ANO10: variants seen among roughly 807,000 people sequenced by gnomAD.
The protein encoded by ANO10 is anoctamin 10.
Under a neutral mutation model 74.7 loss-of-function variants are expected in ANO10, and 77 were observed. That is an observed-to-expected ratio of 1.03 (90% CI 0.86 to 1.25). ANO10 has a LOEUF of 1.25. Ranked by LOEUF, ANO10 falls within the 50% of genes most tolerant of loss-of-function variation. ANO10 has a pLI of 0.00. For synonymous variants in ANO10, 279 were observed against 284.9 expected (o/e 0.98, Z 0.21); for missense variants, 721 against 778.1 (o/e 0.93, Z 0.87).
chr3:43,575,294 T>C (rs1162967818), intron 6 of ANO10, among the ~76,000 whole-genome samples: 5 of 152,210 alleles, frequency 3.3e-5, no homozygotes, highest in Admixed American at 3.3e-4. Flanking sequence ...GAAACTCAAA[T>C]TTCTATCTTC....
chr3:43,666,602 A>G (rs2083995583), intron 1 of ANO10, among the ~76,000 whole-genome samples: 1 of 152,180 alleles, frequency 6.6e-6, no homozygotes, highest in African/African-American at 2.4e-5. Flanking sequence ...ATAGATATCT[A>G]TCAATATTCT....
intron 12 of ANO10, among the ~76,000 whole-genome samples, chr3:43,383,415 C>T (rs1184008386): frequency 2.1e-5 from 3 of 146,132 alleles, no homozygotes; most frequent in African/African-American, 7.7e-5. Flanking sequence ...GACTGTGCCA[C>T]TGCACTCCAG....
At chr3:43,483,192 CTTTG>C (rs2076338309) in intron 11 of ANO10, among the ~76,000 whole-genome samples, 1 of 152,156 alleles carries the variant, frequency 6.6e-6, no homozygotes, top group Admixed American at 6.5e-5. Flanking sequence ...AAGAAAATGT[CTTTG>C]TTTATTTCCT....
chr3:43,611,410 C>G (rs551185616), intron 1 of ANO10, among the ~76,000 whole-genome samples: 1 of 152,272 alleles, frequency 6.6e-6, no homozygotes, highest in South Asian at 2.1e-4. Flanking sequence ...GTCTAGCTTA[C>G]TCTGATTAAT....
At chr3:43,565,882 G>A (rs899025615) in intron 7 of ANO10, among the ~76,000 whole-genome samples, 155 bp from the exon 8 acceptor site, 4 of 152,166 alleles carry the variant, frequency 2.6e-5, no homozygotes, top group Admixed American at 6.6e-5. Flanking sequence ...CAGCCTGAGC[G>A]ACGCAGAAGA....
At chr3:43,426,376 G>A (rs1053851134) in intron 12 of ANO10, among the ~76,000 whole-genome samples, 1 of 152,130 alleles carries the variant, frequency 6.6e-6, no homozygotes, top group Non-Finnish European at 1.5e-5. Flanking sequence ...AAAAAACAAA[G>A]ACATTATTTG....
At chr3:43,477,972 G>A (rs1309418312) in intron 11 of ANO10, among the ~76,000 whole-genome samples, 2 of 152,176 alleles carry the variant, frequency 1.3e-5, no homozygotes, top group Non-Finnish European at 2.9e-5. Context: ...TAAGGAAGTA[G>A]TCTCTGTTTT....
intron 11 of ANO10, among the ~76,000 whole-genome samples, chr3:43,545,777 ATATG>A (rs1344196019): frequency 1.3e-5 from 2 of 152,210 alleles, no homozygotes; most frequent in African/African-American, 4.8e-5. Context: ...ATATTTTGAA[ATATG>A]TATATCCTAT....
intron 11 of ANO10, among the ~76,000 whole-genome samples, chr3:43,459,519 G>A (rs2075288010): frequency 6.6e-6 from 1 of 152,170 alleles, no homozygotes; most frequent in Non-Finnish European, 1.5e-5. Context: ...AATGACTTGT[G>A]GAGAGGAAGG....
chr3:43,565,744 A>G lies in ANO10; in HGVS notation c.1219-17T>C. On this transcript the variant is annotated splice_polypyrimidine_tract_variant and intron_variant, in intron 7 of 12. Coordinates refer to ENST00000292246, the MANE Select transcript of ANO10 (RefSeq NM_018075.5). ...GAAGTTGAACTGCCAAAAAAAAAAAAAAAAAAGATAAGTGTTAAGCACTGC... is the reference window on the plus strand; with the variant it reads ...GAAGTTGAACTGCCAAAAAAAAAAAGAAAAAAGATAAGTGTTAAGCACTGC... 6.4e-7 allele frequency: 1 copy of G among 1,553,132 alleles called. No homozygotes were observed. Among genetic ancestry groups the G allele is most frequent in the Non-Finnish European group, 8.7e-7 (1 of 1,147,976 alleles).
At chr3:43,453,195 T>G (rs75800366) in intron 11 of ANO10, among the ~76,000 whole-genome samples, 2 of 148,192 alleles carry the variant, frequency 1.3e-5, no homozygotes, top group East Asian at 1.9e-4. Flanking sequence ...TTTTTTTTTT[T>G]TGAGACGGAG....
intron 9 of ANO10, 115 bp downstream of exon 9, chr3:43,561,105 A>C: frequency 5.7e-6 from 7 of 1,233,314 alleles, no homozygotes; most frequent in Non-Finnish European, 8.3e-6. Flanking sequence ...ACTGACTGGA[A>C]AGCACTTCTA....
chr3:43,660,067 A>C (rs1463878962), intron 1 of ANO10, among the ~76,000 whole-genome samples: 1 of 152,204 alleles, frequency 6.6e-6, no homozygotes, highest in African/African-American at 2.4e-5. Context: ...CAAAAGGGAC[A>C]TCCACACCAA....
intron 11 of ANO10, chr3:43,485,269 G>C: frequency 1.6e-6 from 1 of 610,604 alleles, no homozygotes; most frequent in Non-Finnish European, 2.9e-6. Context: ...GCTGCTGTTT[G>C]CCGCCCTTTG....
chr3:43,673,112 C>CA (rs772314617), intron 1 of ANO10, among the ~76,000 whole-genome samples: 6 of 152,202 alleles, frequency 3.9e-5, no homozygotes, highest in Non-Finnish European at 8.8e-5. Context: ...TGACATATTT[C>CA]AGTGTGGAAT....
chr3:43,506,185 G>C (rs2077287906), intron 11 of ANO10, among the ~76,000 whole-genome samples: 1 of 152,082 alleles, frequency 6.6e-6, no homozygotes, highest in Non-Finnish European at 1.5e-5. Flanking sequence ...CGTCATCCTT[G>C]TCTCAGAAAT....
intron 4 of ANO10, among the ~76,000 whole-genome samples, chr3:43,596,280 A>G (rs912941269): frequency 6.6e-6 from 1 of 152,222 alleles, no homozygotes; most frequent in Non-Finnish European, 1.5e-5. Flanking sequence ...TTCATATGGA[A>G]CCAAAAAAGA....
chr3:43,440,282 A>G lies in ANO10; in HGVS notation c.1798-7555T>C, dbSNP rs574171995. Among the ~76,000 whole-genome samples the G allele has an allele frequency of 1.3e-4, 20 of 152,272 alleles. No homozygotes were observed. In the East Asian group the frequency reaches 3.9e-3, roughly 29 times the overall value. ...TGAATGGATTTTAAAAAAAACCAAC[A>G]AGAAGAAGATCCAATTACCTGCAGA... On this transcript the variant is annotated intron_variant, in intron 11 of 12. Transcript: ENST00000292246.
chr3:43,441,351 C>T (rs192545513), intron 11 of ANO10, among the ~76,000 whole-genome samples: 75 of 151,946 alleles, frequency 4.9e-4, no homozygotes, highest in Admixed American at 3.9e-3. Context: ...ACATTACAAT[C>T]GATGCCACAG....
Sources: gnomAD v4.1 joint callset for allele counts (sites outside exome capture counted in the v4.1 genomes callset) on GRCh38, gnomAD v4.1.1 for gene constraint, MANE v1.5 for transcripts, NCBI Gene and HGNC (gene_info 2026-07-23, HGNC 2026-07-21) for gene names.